Variants in KSR2 observed in about 807,000 individuals in gnomAD.
KSR2 encodes kinase suppressor of ras 2.
A neutral mutation model predicts 107.8 loss-of-function variants in KSR2; 25 were observed. The observed-to-expected ratio is 0.23, with a 90% CI of 0.17 to 0.32. The LOEUF is 0.32. KSR2 is among the 10% of genes least tolerant of loss of function. The probability of loss-of-function intolerance (pLI) is 1.00; values close to 1 mark genes in which losing one functional copy is unlikely to be tolerated. For missense variants in KSR2, 887 were observed against 1,268.9 expected (o/e 0.70, Z 4.57); for synonymous variants, 480 against 507.0 (o/e 0.95, Z 0.71).
intron 3 of KSR2, among the ~76,000 whole-genome samples, chr12:117,806,326 T>G (rs1482912913): frequency 6.6e-6 from 1 of 152,044 alleles, no homozygotes; most frequent in Non-Finnish European, 1.5e-5. Context: ...CCAGCCCAAT[T>G]AAATCAGCTC....
chr12:117,861,619 A>ACCTGGGGATCTGCCCG lies in KSR2; in HGVS notation c.181-1204_181-1189dup, dbSNP rs1408539880. Among the ~76,000 whole-genome samples the ACCTGGGGATCTGCCCG allele has an allele frequency of 1.3e-5, 2 of 151,514 alleles. 1 individual carries two copies. Among genetic ancestry groups the ACCTGGGGATCTGCCCG allele is most frequent in the East Asian group, 3.9e-4 (2 of 5,150 alleles). On this transcript the variant is annotated intron_variant, in intron 1 of 19. Coordinates refer to ENST00000339824, the MANE Select transcript of KSR2 (RefSeq NM_173598.6). Reference sequence around the variant, plus strand: ...TAGCCAGGATGGTCTCGATCTCCTGACCTGGGGATCTGCCCGCCTCGGCCT... The same window carrying ACCTGGGGATCTGCCCG: ...TAGCCAGGATGGTCTCGATCTCCTGACCTGGGGATCTGCCCGCCTGGGGATCTGCCCGCCTCGGCCT...
At chr12:117,771,987 C>T (rs1889473449) in intron 3 of KSR2, among the ~76,000 whole-genome samples, 1 of 147,068 alleles carries the variant, frequency 6.8e-6, no homozygotes, top group Non-Finnish European at 1.5e-5. Flanking sequence ...CACATACACA[C>T]ATTCCCCCAA....
intron 4 of KSR2, among the ~76,000 whole-genome samples, chr12:117,753,208 C>T (rs574953907): frequency 9.8e-5 from 15 of 152,288 alleles, no homozygotes; most frequent in African/African-American, 3.4e-4. Context: ...CCTTTGGGAA[C>T]GTTTTTAGAT....
intron 1 of KSR2, among the ~76,000 whole-genome samples, chr12:117,934,984 C>A (rs1895796021): frequency 1.3e-5 from 2 of 151,788 alleles, no homozygotes; most frequent in Admixed American, 1.3e-4. Context: ...CACCACCACA[C>A]CCAGCTAATT....
intron 4 of KSR2, among the ~76,000 whole-genome samples, chr12:117,732,831 G>A (rs534296354): frequency 1.3e-5 from 2 of 152,150 alleles, no homozygotes; most frequent in East Asian, 3.9e-4. Flanking sequence ...TTAAATTACT[G>A]AGTCCTAACG....
chr12:117,662,159 A>G (rs7311197), intron 5 of KSR2, among the ~76,000 whole-genome samples: 13,758 of 152,190 alleles, frequency 0.09, 661 homozygotes, highest in Middle Eastern at 0.14. Flanking sequence ...GGTAACTCCA[A>G]TAGGATATCT....
At chr12:117,720,680 G>C (rs1022487313) in intron 4 of KSR2, among the ~76,000 whole-genome samples, 1 of 152,152 alleles carries the variant, frequency 6.6e-6, no homozygotes, top group Non-Finnish European at 1.5e-5. Context: ...ACAGATGAAC[G>C]TCTAATCATA....
chr12:117,674,530 T>G (rs573495239), intron 4 of KSR2: 21 of 396,348 alleles, frequency 5.3e-5, no homozygotes, highest in African/African-American at 4.2e-4. Flanking sequence ...CTCCAGCCCC[T>G]GCACCACCAA....
At chr12:117,794,545 C>T (rs543041298) in intron 3 of KSR2, among the ~76,000 whole-genome samples, 108 of 140,634 alleles carry the variant, frequency 7.7e-4, no homozygotes, top group Non-Finnish European at 1.2e-3. Context: ...AACATGCACA[C>T]TCAACCAACA....
At chr12:117,641,654 T>C (rs1056968531) in intron 5 of KSR2, among the ~76,000 whole-genome samples, 1 of 152,204 alleles carries the variant, frequency 6.6e-6, no homozygotes, top group Non-Finnish European at 1.5e-5. Context: ...AAGGACCCCG[T>C]TTCCAAATAA....
chr12:117,824,788 C>T (rs541249152), intron 3 of KSR2, among the ~76,000 whole-genome samples: 2 of 146,118 alleles, frequency 1.4e-5, no homozygotes, highest in Admixed American at 7.0e-5. Context: ...ACCCGGGAGG[C>T]GGCGCTTGCA....
intron 3 of KSR2, among the ~76,000 whole-genome samples, chr12:117,825,085 A>ACAGGAGAACCGCTTAAACCC: frequency 1.3e-5 from 2 of 151,932 alleles, no homozygotes; most frequent in Non-Finnish European, 2.9e-5. Context: ...AGGAGACTGG[A>ACAGGAGAACCGCTTAAACCC]CAGGAGAACC....
intron 3 of KSR2, among the ~76,000 whole-genome samples, chr12:117,800,806 T>A (rs1409575325): frequency 6.6e-6 from 1 of 152,014 alleles, no homozygotes; most frequent in Non-Finnish European, 1.5e-5. Context: ...TGTGTTCATG[T>A]GTTCTCATTG....
At chr12:117,518,593 GC>G (rs1196641496) in intron 14 of KSR2, among the ~76,000 whole-genome samples, 2 of 152,150 alleles carry the variant, frequency 1.3e-5, no homozygotes, top group Non-Finnish European at 2.9e-5. Context: ...TAGGATCTTG[GC>G]CATCAGGAAA....
intron 1 of KSR2, among the ~76,000 whole-genome samples, chr12:117,880,058 A>G (rs1353858358): frequency 6.6e-6 from 1 of 152,154 alleles, no homozygotes; most frequent in Non-Finnish European, 1.5e-5. Context: ...AGGCAGGAGA[A>G]TCGCTTGAAC....
chr12:117,574,601 T>C (rs61482715), intron 7 of KSR2, among the ~76,000 whole-genome samples: 2,748 of 152,230 alleles, frequency 0.018, 87 homozygotes, highest in African/African-American at 0.063. Context: ...ATGGCCACCA[T>C]GATTCAATTA....
chr12:117,730,621 G>A (rs1464558907), intron 4 of KSR2, among the ~76,000 whole-genome samples: 3 of 152,118 alleles, frequency 2.0e-5, no homozygotes, highest in African/African-American at 7.2e-5. Flanking sequence ...TGATTCTCCT[G>A]CCTCAGCCTG....
chr12:117,671,651 T>G (rs1460291202), intron 4 of KSR2, among the ~76,000 whole-genome samples: 1 of 152,262 alleles, frequency 6.6e-6, no homozygotes, highest in South Asian at 2.1e-4. Flanking sequence ...CCCTGTTGGA[T>G]CCTTCATCCC....
intron 1 of KSR2, among the ~76,000 whole-genome samples, chr12:117,866,568 G>A (rs1000959030): frequency 2.0e-5 from 3 of 151,922 alleles, no homozygotes; most frequent in Non-Finnish European, 4.4e-5. Flanking sequence ...AGTGGCTCAC[G>A]CCTATAATCC....
Sources: allele counts gnomAD v4.1 joint callset (sites outside exome capture counted in the v4.1 genomes callset), GRCh38; gene constraint gnomAD v4.1.1; transcripts MANE v1.5; gene names NCBI Gene and HGNC (gene_info 2026-07-23, HGNC 2026-07-21).